Variants in ADARB2 observed in about 807,000 individuals in gnomAD.
ADARB2 encodes the protein inactive double-stranded RNA-specific editase B2.
Under a neutral mutation model 62.2 loss-of-function variants are expected in ADARB2, and 25 were observed. The observed-to-expected ratio is 0.40, with a 90% CI of 0.29 to 0.56. The LOEUF (loss-of-function observed/expected upper bound fraction) is 0.56, where lower values mean the gene tolerates loss of function less well. ADARB2 is among the 20% of genes least tolerant of loss of function. The probability of loss-of-function intolerance (pLI) is 0.43; values close to 1 mark genes in which losing one functional copy is unlikely to be tolerated. For missense variants in ADARB2, 1,071 were observed against 1,077.4 expected, an observed-to-expected ratio of 0.99 and a Z score of 0.08; for synonymous variants, 572 against 500.8, an observed-to-expected ratio of 1.14 and a Z score of -1.90.
chr10:1,373,255 C>T (rs1301153778), intron 2 of ADARB2, among the ~76,000 whole-genome samples: 1 of 152,040 alleles, frequency 6.6e-6, no homozygotes, highest in Non-Finnish European at 1.5e-5. Context: ...GTCTCTGTGT[C>T]TCTCTCGGTC....
intron 1 of ADARB2, among the ~76,000 whole-genome samples, chr10:1,531,238 T>C (rs1178265557): frequency 2.0e-5 from 3 of 152,124 alleles, no homozygotes; most frequent in Non-Finnish European, 4.4e-5. Context: ...GCCGAACAGG[T>C]CTTGCCTTTT....
chr10:1,493,255 C>T (rs988343893), intron 1 of ADARB2, among the ~76,000 whole-genome samples: 2 of 152,094 alleles, frequency 1.3e-5, no homozygotes, highest in East Asian at 1.9e-4. Context: ...AGTATTTATG[C>T]TATTTATAAA....
At chr10:1,441,099 C>G (rs527280071) in intron 1 of ADARB2, among the ~76,000 whole-genome samples, 1 of 152,324 alleles carries the variant, frequency 6.6e-6, no homozygotes, top group East Asian at 1.9e-4. Flanking sequence ...GACCAGATGT[C>G]AGCTTTTGCA....
At chr10:1,245,072 TGGGTTGCACA>T (rs1467100690) in intron 4 of ADARB2, among the ~76,000 whole-genome samples, 1 of 152,044 alleles carries the variant, frequency 6.6e-6, no homozygotes, top group East Asian at 1.9e-4. Flanking sequence ...GAGTGAGTGC[TGGGTTGCACA>T]GGAGGAGAGA....
chr10:1,505,650 C>A (rs1317173796), intron 1 of ADARB2, among the ~76,000 whole-genome samples: 1 of 152,120 alleles, frequency 6.6e-6, no homozygotes, highest in Non-Finnish European at 1.5e-5. Flanking sequence ...CCATCCCCAC[C>A]ATGGCAGCCA....
chr10:1,645,164 A>G (rs544571922), intron 1 of ADARB2, among the ~76,000 whole-genome samples: 1 of 152,334 alleles, frequency 6.6e-6, no homozygotes, highest in South Asian at 2.1e-4. Context: ...TGACACAGGG[A>G]CCAAGGTTCT....
At chr10:1,580,808 C>T (rs1298936315) in intron 1 of ADARB2, among the ~76,000 whole-genome samples, 1 of 152,198 alleles carries the variant, frequency 6.6e-6, no homozygotes, top group African/African-American at 2.4e-5. Context: ...GTTTTCATAG[C>T]TTTATGTTTT....
intron 1 of ADARB2, among the ~76,000 whole-genome samples, chr10:1,539,167 C>T (rs1006907459): frequency 1.3e-5 from 2 of 152,210 alleles, no homozygotes; most frequent in African/African-American, 4.8e-5. Context: ...GGTTCAAAGC[C>T]GGCCTTAGGA....
chr10:1,452,063 G>A (rs4880856), intron 1 of ADARB2, among the ~76,000 whole-genome samples: 17,799 of 152,238 alleles, frequency 0.12, 1,375 homozygotes, highest in African/African-American at 0.22. Flanking sequence ...GGGGAGGCCT[G>A]CTGCCATGCA....
At chr10:1,565,402 C>G (rs1832847693) in intron 1 of ADARB2, among the ~76,000 whole-genome samples, 1 of 152,140 alleles carries the variant, frequency 6.6e-6, no homozygotes, top group Non-Finnish European at 1.5e-5. Flanking sequence ...CTCCCCTCCC[C>G]CTTCTCTAAG....
intron 5 of ADARB2, among the ~76,000 whole-genome samples, 179 bp from the exon 6 acceptor site, chr10:1,234,024 G>A (rs903328214): frequency 7.1e-6 from 1 of 139,886 alleles, no homozygotes; most frequent in Non-Finnish European, 1.5e-5. Flanking sequence ...AGGCTGGAGT[G>A]CAATGGTGCC....
chr10:1,672,388 C>T (rs1269347009), intron 1 of ADARB2, among the ~76,000 whole-genome samples: 2 of 152,120 alleles, frequency 1.3e-5, no homozygotes, highest in Non-Finnish European at 1.5e-5. Flanking sequence ...CTGATTCCCT[C>T]GACATTACCA....
intron 1 of ADARB2, among the ~76,000 whole-genome samples, chr10:1,399,074 G>A (rs984297545): frequency 1.3e-5 from 2 of 152,176 alleles, no homozygotes; most frequent in African/African-American, 4.8e-5. Context: ...TAGGAAACAC[G>A]AAATAAAATG....
intron 1 of ADARB2, among the ~76,000 whole-genome samples, chr10:1,485,524 C>G (rs1405472518): frequency 6.6e-6 from 1 of 152,166 alleles, no homozygotes; most frequent in Non-Finnish European, 1.5e-5. Flanking sequence ...ACCCGCCAGT[C>G]TCTGGCCGCT....
intron 3 of ADARB2, among the ~76,000 whole-genome samples, chr10:1,277,526 C>T (rs1316703705): frequency 1.3e-5 from 2 of 152,196 alleles, no homozygotes; most frequent in Non-Finnish European, 2.9e-5. Context: ...AATTCCTCGA[C>T]ACATACACCC....
chr10:1,549,116 G>A (rs111977357), intron 1 of ADARB2, among the ~76,000 whole-genome samples: 5 of 151,418 alleles, frequency 3.3e-5, no homozygotes, highest in Middle Eastern at 3.4e-3. Flanking sequence ...GCTGGCGTCC[G>A]GTACACGGAG....
intron 3 of ADARB2, among the ~76,000 whole-genome samples, chr10:1,277,639 A>G (rs371050686): frequency 3.9e-5 from 6 of 152,242 alleles, no homozygotes; most frequent in South Asian, 2.1e-4. Context: ...AAAAGTCCAG[A>G]ACCAGATGGA....
chr10:1,615,076 A>G (rs552344395), intron 1 of ADARB2, among the ~76,000 whole-genome samples: 2 of 152,300 alleles, frequency 1.3e-5, no homozygotes, highest in East Asian at 3.9e-4. Flanking sequence ...AACAGCAAAC[A>G]AAGTTACTTC....
chr10:1,211,680 C>T (rs1235315812), intron 7 of ADARB2, among the ~76,000 whole-genome samples: 1 of 152,180 alleles, frequency 6.6e-6, no homozygotes, highest in South Asian at 2.1e-4. Context: ...GGTGTAAGCA[C>T]CATCACTGTG....
Sources: allele counts gnomAD v4.1 joint callset (sites outside exome capture counted in the v4.1 genomes callset), GRCh38; gene constraint gnomAD v4.1.1; transcripts MANE v1.5; gene names NCBI Gene and HGNC (gene_info 2026-07-23, HGNC 2026-07-21).